Variants in COL6A6 observed in about 807,000 individuals in gnomAD.
COL6A6 encodes collagen alpha-6(VI) chain.
COL6A6 carries 183 observed loss-of-function variants against 208.6 expected under a neutral mutation model. The ratio of observed to expected loss-of-function variants is 0.88; its 90% CI spans 0.78 to 0.99. The LOEUF (loss-of-function observed/expected upper bound fraction) is 0.99. Among genes scored for constraint, COL6A6 ranks in the 50% least tolerant of loss-of-function variants. COL6A6 has a pLI of 0.00. For missense variants in COL6A6, 2,816 were observed against 2,815.2 expected (o/e 1.00, Z -0.01); for synonymous variants, 973 against 1,011.8 (o/e 0.96, Z 0.73).
intron 33 of COL6A6, among the ~76,000 whole-genome samples, chr3:130,656,693 C>G (rs977454387): frequency 6.6e-6 from 1 of 152,228 alleles, no homozygotes; most frequent in Non-Finnish European, 1.5e-5. Context: ...CTTCTGTCAT[C>G]CAGTGGAGCC....
chr3:130,635,725 A>G lies in COL6A6; in HGVS notation c.5055A>G (p.Pro1685=). The change falls in exon 28 of 37, where the codon CCA becomes CCG. Residue 1685 remains proline, a synonymous_variant. Transcript: ENST00000358511. Reference sequence around the variant, plus strand: ...GTGAGATTGGGGACCCTGGTGGTCCAGGAGAGACTGGGCTGAAGGGAGCTA... The same window carrying G: ...GTGAGATTGGGGACCCTGGTGGTCCGGGAGAGACTGGGCTGAAGGGAGCTA... ...PKGEIGDPGG[P]GETGLKGARG... 6.2e-7 allele frequency: 1 copy of G among 1,612,568 alleles called. No homozygotes were observed. The highest frequency in any genetic ancestry group is 8.5e-7 in the Non-Finnish European group (1 of 1,178,770).
intron 31 of COL6A6, among the ~76,000 whole-genome samples, chr3:130,643,983 G>A (rs2065392884): frequency 6.6e-6 from 1 of 152,092 alleles, no homozygotes; most frequent in Admixed American, 6.6e-5. Flanking sequence ...TTAGTGCGGT[G>A]GGTTTTATGA....
chr3:130,610,874 T>A (rs973698949), intron 23 of COL6A6, among the ~76,000 whole-genome samples, 163 bp downstream of exon 23: 4 of 152,172 alleles, frequency 2.6e-5, no homozygotes, highest in African/African-American at 9.7e-5. Context: ...ATGGTCCCCA[T>A]CTTGCAGAGC....
At position 130,594,306 on chromosome 3, in the gene COL6A6, C is replaced by T. The variant is rs368456402; in HGVS notation, c.4496C>T (p.Pro1499Leu). ...GGAAGCCCAGGGAAGAGAGGGACTC[C>T]TGGTGACCGTGGAGCAAAGGGCCTG... ...SQGSPGKRGTPGDRGAKGLRG... is the reference protein window; with the variant it reads ...SQGSPGKRGTLGDRGAKGLRG... The change falls in exon 18 of 37, where the codon CCT becomes CTT. Residue 1499 changes from proline (P) to leucine (L), a missense_variant. Pro to Leu is a moderately conservative substitution (Grantham distance 98, BLOSUM62 -3). Coordinates refer to ENST00000358511, the MANE Select transcript of COL6A6 (RefSeq NM_001102608.3). The T allele has an allele frequency of 6.2e-7, 1 of 1,613,414 alleles. No homozygotes were observed. The highest frequency in any genetic ancestry group is 1.3e-5 in the African/African-American group (1 of 74,870).
intron 1 of COL6A6, among the ~76,000 whole-genome samples, chr3:130,557,250 C>A (rs2062787094): frequency 6.6e-6 from 1 of 152,198 alleles, no homozygotes; most frequent in Non-Finnish European, 1.5e-5. Context: ...GATTAACATA[C>A]AAAGCTCCTT....
rs548743415 is a variant in COL6A6, at chr3:130,572,275, C to A, written c.2977+882C>A. ...CTTCTATTCTGGCAGCTGGAGATTG[C>A]ATTGCTGCATGTATGTATGTATTCC... On this transcript the variant is annotated intron_variant, in intron 7 of 36. Coordinates refer to ENST00000358511, the MANE Select transcript of COL6A6 (RefSeq NM_001102608.3). Among the ~76,000 whole-genome samples, 7 of 152,344 alleles carry A rather than the reference C, an allele frequency of 4.6e-5. No homozygotes were observed. In the East Asian group the frequency reaches 1.3e-3, roughly 29 times the overall value.
rs775877257 is a variant in COL6A6, at chr3:130,658,731, T to C, written c.5789T>C (p.Ile1930Thr). 5.5e-5 allele frequency: 89 copies of C among 1,613,200 alleles called. No individual in the cohort carries two copies. Among genetic ancestry groups the C allele is most frequent in the Non-Finnish European group, 7.0e-5 (83 of 1,179,654 alleles). The stretch of plus-strand genomic sequence containing the variant: ...GTGGTTCCCTCCGGGGCCGACTACA[T>C]ACCAGCATTAGAGAGACTCCAGCGG... Reference protein sequence around the residue: ...VIVVPSGADYIPALERLQRCT... With the variant: ...VIVVPSGADYTPALERLQRCT... The change falls in exon 34 of 37, where the codon ATA (isoleucine) becomes ACA (threonine). Residue 1930 changes from isoleucine to threonine, a missense_variant. Transcript: ENST00000358511.
At chr3:130,602,073 A>G (rs1191194410) in intron 20 of COL6A6, among the ~76,000 whole-genome samples, 1 of 152,208 alleles carries the variant, frequency 6.6e-6, no homozygotes, top group East Asian at 1.9e-4. Flanking sequence ...AAAATATTCC[A>G]CTTTTATTAT....
At position 130,582,031 on chromosome 3, in the gene COL6A6, G is replaced by C; in HGVS notation, c.3933G>C (p.Glu1311Asp). The C allele has an allele frequency of 6.2e-7, 1 of 1,609,316 alleles. No homozygotes were observed. The highest frequency in any genetic ancestry group is 8.5e-7 in the Non-Finnish European group (1 of 1,177,058). ...LFSDGLDDDVEKLEQKSDELR... is the reference protein window; with the variant it reads ...LFSDGLDDDVDKLEQKSDELR... ...CAGATGGATTGGATGATGATGTTGA[G>C]AAACTTGAACAAAAATCTGATGAAC... Residue 1311 changes from glutamate (E) to aspartate (D), a missense_variant, in exon 10 of 37, where the codon GAG (glutamate) becomes GAC (aspartate). Glu to Asp is a conservative substitution (Grantham distance 45, BLOSUM62 2). Transcript: ENST00000358511.
At chr3:130,569,756 G>A (rs2063115589) in intron 6 of COL6A6, among the ~76,000 whole-genome samples, 1 of 152,146 alleles carries the variant, frequency 6.6e-6, no homozygotes, top group Admixed American at 6.5e-5. Context: ...AAGACCACGG[G>A]GACATAGTTC....
At chr3:130,526,126 G>T (rs2061956151) in intron 1 of COL6A6, among the ~76,000 whole-genome samples, 1 of 152,060 alleles carries the variant, frequency 6.6e-6, no homozygotes, top group African/African-American at 2.4e-5. Context: ...CCTTAATTAA[G>T]AAATTAATTG....
chr3:130,542,774 G>A (rs1238670494), intron 1 of COL6A6, among the ~76,000 whole-genome samples: 1 of 152,022 alleles, frequency 6.6e-6, no homozygotes, highest in Middle Eastern at 3.2e-3. Flanking sequence ...TCATTAGGTA[G>A]TGTCATTTCT....
chr3:130,532,582 C>CATCT (rs139922448), intron 1 of COL6A6, among the ~76,000 whole-genome samples: 1,642 of 152,318 alleles, frequency 0.011, 35 homozygotes, highest in African/African-American at 0.038. Flanking sequence ...ACTACATGTC[C>CATCT]ATCTGCCTGT....
Position 130,568,451 on chromosome 3 carries a change from G to A in COL6A6, c.2248G>A (p.Val750Ile). The A allele has an allele frequency of 6.2e-7, 1 of 1,613,960 alleles. No individual in the cohort carries two copies. The highest frequency in any genetic ancestry group is 8.5e-7 in the Non-Finnish European group (1 of 1,179,890). ...AGCAGTAGTGCTTCGGCAAGAAGGT[G>A]TAATCATCTATTCTGTGGGAGTGTT... is the stretch of plus-strand genomic sequence containing the variant. Reference protein sequence around the residue: ...EPAVVLRQEGVIIYSVGVFGS... With the variant: ...EPAVVLRQEGIIIYSVGVFGS... The change falls in exon 6 of 37, where the codon GTA (valine) becomes ATA (isoleucine). Residue 750 changes from valine to isoleucine, a missense_variant. Val to Ile is a conservative substitution (Grantham distance 29, BLOSUM62 3). Coordinates refer to ENST00000358511, the MANE Select transcript of COL6A6 (RefSeq NM_001102608.3).
At chr3:130,559,306 A>C (rs2062830089) in intron 1 of COL6A6, among the ~76,000 whole-genome samples, 1 of 152,214 alleles carries the variant, frequency 6.6e-6, no homozygotes, top group African/African-American at 2.4e-5. Flanking sequence ...ACTTGAATAG[A>C]ACTAATAAAT....
At chr3:130,603,929 A>G (rs2064102511) in intron 20 of COL6A6, among the ~76,000 whole-genome samples, 3 of 152,186 alleles carry the variant, frequency 2.0e-5, no homozygotes, top group African/African-American at 7.2e-5. Context: ...GTTCTTGGCC[A>G]TCTTCTTCTC....
At chr3:130,555,651 T>C (rs1463501966) in intron 1 of COL6A6, among the ~76,000 whole-genome samples, 1 of 152,232 alleles carries the variant, frequency 6.6e-6, no homozygotes, top group Non-Finnish European at 1.5e-5. Context: ...GTATTCCAGA[T>C]TTTTAAAATA....
Position 130,517,213 on chromosome 3 carries a change from G to A in COL6A6, c.-216G>A, listed in dbSNP as rs1467739629. Among the ~76,000 whole-genome samples the A allele has an allele frequency of 1.3e-5, 2 of 152,322 alleles. No individual in the cohort carries two copies. The highest frequency in any genetic ancestry group is 2.1e-4 in the South Asian group (1 of 4,814). ...GCCTGCGGGACACCGGAGTCAAGAG[G>A]CTGCCCACGCCGCTGCCTGTCCGTT... On this transcript the variant is annotated 5_prime_UTR_variant, in exon 1 of 37. Transcript: ENST00000358511.
In COL6A6 at chr3:130,568,352, G is replaced by T. The variant is rs751917845; in HGVS notation, c.2149G>T (p.Gly717Cys). The T allele has an allele frequency of 3.7e-6, 6 of 1,613,946 alleles. No homozygotes were observed. In the Admixed American group the frequency reaches 1.0e-4, roughly 27 times the overall value. Reference sequence around the variant, plus strand: ...GTCTCAGTACTTCAGCCCCACCAAGGGCGCCCGGCCCAACATCAGAAAGTT... The same window carrying T: ...GTCTCAGTACTTCAGCCCCACCAAGTGCGCCCGGCCCAACATCAGAAAGTT... ...FVSQYFSPTKGARPNIRKFLI... is the reference protein window; with the variant it reads ...FVSQYFSPTKCARPNIRKFLI... Residue 717 changes from glycine (G) to cysteine (C), a missense_variant, in exon 6 of 37, where the codon GGC becomes TGC. Transcript: ENST00000358511.
Sources: allele counts gnomAD v4.1 joint callset (sites outside exome capture counted in the v4.1 genomes callset), GRCh38; gene constraint gnomAD v4.1.1; transcripts MANE v1.5; gene names NCBI Gene and HGNC (gene_info 2026-07-23, HGNC 2026-07-21).